Variants in RBMS1 observed in about 807,000 individuals in gnomAD.
The protein encoded by RBMS1 is RNA-binding motif, single-stranded-interacting protein 1.
RBMS1 carries 17 observed loss-of-function variants against 62.3 expected under a neutral mutation model. That is an observed-to-expected ratio of 0.27 (90% confidence interval 0.19 to 0.41). The LOEUF (loss-of-function observed/expected upper bound fraction) is 0.41, where lower values mean the gene tolerates loss of function less well. Ranked by LOEUF, RBMS1 falls within the 10% of genes least tolerant of loss-of-function variation. The pLI, the probability that RBMS1 is intolerant of heterozygous loss-of-function variation, is 1.00. For missense variants in RBMS1, 334 were observed against 504.5 expected (o/e 0.66, Z 3.24); for synonymous variants, 172 against 170.0 (o/e 1.01, Z -0.09).
At chr2:160,465,579 CA>C (rs1349018403) in intron 1 of RBMS1, among the ~76,000 whole-genome samples, 1 of 152,126 alleles carries the variant, frequency 6.6e-6, no homozygotes, top group African/African-American at 2.4e-5. Flanking sequence ...AGGTTACAAC[CA>C]ATCTCAGGAG....
rs1695837999 is a variant in RBMS1 at position 160,407,813 on chromosome 2, C to T, written c.76-40422G>A. The T allele has an allele frequency of 4.1e-6, 4 of 981,206 alleles. No homozygotes were observed. In the Admixed American group the frequency reaches 2.5e-4, roughly 62 times the overall value. The allele number at this position is 981,206 out of a possible 1,614,324, so 60.8% of individuals were successfully genotyped here. A position where few individuals can be genotyped will look rare whatever the true frequency, so the allele number is the denominator to read the frequency against. On this transcript the variant is annotated intron_variant, in intron 1 of 13. Coordinates refer to ENST00000348849, the MANE Select transcript of RBMS1 (RefSeq NM_016836.4). The stretch of plus-strand genomic sequence containing the variant: ...TGCGTGCCATGGACGGGAGTTCGCG[C>T]GCGGAGCTGGCGGCGTCGCCGACTC...
At chr2:160,332,920 A>T (rs1196023556) in intron 2 of RBMS1, among the ~76,000 whole-genome samples, 1 of 150,976 alleles carries the variant, frequency 6.6e-6, no homozygotes. Flanking sequence ...ATGTGTATAA[A>T]TGCATACACG....
chr2:160,311,504 C>T lies in RBMS1; in HGVS notation c.402+1652G>A, dbSNP rs369473052. Among the ~76,000 whole-genome samples the T allele has an allele frequency of 1.2e-4, 18 of 152,080 alleles. No individual in the cohort carries two copies. The East Asian group carries it at 2.1e-3, about 18-fold the overall frequency. ...TTATCCGCTTACCAGAGTCCTTTAA[C>T]TTCTATGAACCTTCTTATGTGTATG... is the stretch of plus-strand genomic sequence containing the variant. On this transcript the variant is annotated intron_variant, in intron 4 of 13. Transcript: ENST00000348849.
rs1239957861 is a variant in RBMS1 at position 160,415,613 on chromosome 2, C to A, written c.76-48222G>T. ...AAGCTAACTTTAACAGCAAACTGTA[C>A]CCGGGAAAAACAAAACCCTCATGTA... On this transcript the variant is annotated intron_variant, in intron 1 of 13. Transcript: ENST00000348849. 2.0e-5 allele frequency among the ~76,000 whole-genome samples: 3 copies of A among 152,078 alleles called. No homozygotes were observed. In the South Asian group the frequency reaches 6.2e-4, roughly 32 times the overall value.
chr2:160,281,388 G>C (rs1249373273), intron 9 of RBMS1, 24 bp from the exon 10 acceptor site: 3 of 1,575,528 alleles, frequency 1.9e-6, no homozygotes, highest in Admixed American at 1.7e-5. Flanking sequence ...GATTTTGAAA[G>C]AAATATTGAT....
chr2:160,320,397 T>G (rs536486637), intron 2 of RBMS1, among the ~76,000 whole-genome samples: 35 of 152,218 alleles, frequency 2.3e-4, no homozygotes, highest in African/African-American at 6.3e-4. Flanking sequence ...CGCTTTAGCC[T>G]GGGAGGCAGA....
chr2:160,335,626 G>A (rs1379752608), intron 2 of RBMS1, among the ~76,000 whole-genome samples: 2 of 152,150 alleles, frequency 1.3e-5, no homozygotes, highest in Non-Finnish European at 2.9e-5. Context: ...GTAGAATCTT[G>A]GCTAATTGGA....
chr2:160,441,324 T>A (rs1683400926), intron 1 of RBMS1, among the ~76,000 whole-genome samples: 1 of 152,272 alleles, frequency 6.6e-6, no homozygotes, highest in Non-Finnish European at 1.5e-5. Context: ...TGCTAAAACA[T>A]CTTTATGTAA....
chr2:160,277,194 T>A, intron 12 of RBMS1, 109 bp downstream of exon 12: 1 of 1,036,560 alleles, frequency 9.6e-7, no homozygotes, highest in Non-Finnish European at 1.5e-6. Flanking sequence ...CTAAACGCAA[T>A]TCTTTATGCA....
chr2:160,443,964 T>C (rs1256391899), intron 1 of RBMS1, among the ~76,000 whole-genome samples: 1 of 152,218 alleles, frequency 6.6e-6, no homozygotes, highest in Admixed American at 6.5e-5. Context: ...AGATGTCAAC[T>C]GCTCTCTACT....
At chr2:160,413,067 TC>T (rs1267526216) in intron 1 of RBMS1, among the ~76,000 whole-genome samples, 1 of 152,178 alleles carries the variant, frequency 6.6e-6, no homozygotes, top group Non-Finnish European at 1.5e-5. Context: ...ATAGAACACC[TC>T]TATCAAGAAA....
intron 1 of RBMS1, among the ~76,000 whole-genome samples, chr2:160,397,090 T>G (rs116372076): frequency 6.6e-6 from 1 of 152,094 alleles, no homozygotes; most frequent in South Asian, 2.1e-4. Context: ...ATCCAGATGC[T>G]TTCCCTTACT....
chr2:160,279,260 A>T lies in RBMS1; in HGVS notation c.952-602T>A, dbSNP rs1210719362. ...ATTTTGGTGCCTGGGAGGGAAGGCA[A>T]TTCAGATATGATTAATAATCTGAGT... On this transcript the variant is annotated intron_variant, in intron 10 of 13. Coordinates refer to ENST00000348849, the MANE Select transcript of RBMS1 (RefSeq NM_016836.4). The T allele has an allele frequency of 2.6e-5, 4 of 152,116 alleles. No individual in the cohort carries two copies. In the East Asian group the frequency reaches 7.7e-4, roughly 29 times the overall value. The allele number at this position is 152,116 out of a possible 1,614,324, so 9.4% of individuals were successfully genotyped here.
At chr2:160,355,392 TCCC>T (rs1481916547) in intron 2 of RBMS1, among the ~76,000 whole-genome samples, 4 of 152,108 alleles carry the variant, frequency 2.6e-5, no homozygotes, top group Admixed American at 2.6e-4. Context: ...ATTTGCAGTT[TCCC>T]CTGAGAGTAG....
At chr2:160,400,268 A>G (rs940161478) in intron 1 of RBMS1, among the ~76,000 whole-genome samples, 1 of 152,202 alleles carries the variant, frequency 6.6e-6, no homozygotes, top group Non-Finnish European at 1.5e-5. Flanking sequence ...GCCCTTTCAA[A>G]AAGGGAAAAG....
At chr2:160,311,224 C>CCATCTA (rs71297446) in intron 4 of RBMS1, among the ~76,000 whole-genome samples, 4 of 56,634 alleles carry the variant, frequency 7.1e-5, no homozygotes, top group Non-Finnish European at 1.5e-4. Context: ...ATCTATCTAT[C>CCATCTA]TATCTATCTA....
chr2:160,465,501 T>C (rs1574093702), intron 1 of RBMS1, among the ~76,000 whole-genome samples: 1 of 152,170 alleles, frequency 6.6e-6, no homozygotes, highest in African/African-American at 2.4e-5. Flanking sequence ...TCAGGCTACC[T>C]AAGTATCTCT....
intron 2 of RBMS1, among the ~76,000 whole-genome samples, chr2:160,328,967 G>A (rs1225847057): frequency 6.6e-6 from 1 of 152,172 alleles, no homozygotes; most frequent in Non-Finnish European, 1.5e-5. Context: ...GCAAAACAGA[G>A]TTATCTGAAG....
intron 2 of RBMS1, among the ~76,000 whole-genome samples, chr2:160,327,650 CCAG>C (rs993180768): frequency 2.0e-5 from 3 of 152,096 alleles, no homozygotes; most frequent in East Asian, 1.9e-4. Context: ...AATATTTTTA[CCAG>C]AAGTCACTGT....
Sources: allele counts gnomAD v4.1 joint callset (sites outside exome capture counted in the v4.1 genomes callset), GRCh38; gene constraint gnomAD v4.1.1; transcripts MANE v1.5; gene names NCBI Gene and HGNC (gene_info 2026-07-23, HGNC 2026-07-21).